DGAT2L6: variants seen among roughly 807,000 people sequenced by gnomAD.
DGAT2L6 encodes the protein diacylglycerol O-acyltransferase 2-like protein 6.
Under a neutral mutation model 25.5 loss-of-function variants are expected in DGAT2L6, and 22 were observed. The observed-to-expected ratio is 0.86, with a 90% CI of 0.62 to 1.23. DGAT2L6 has a LOEUF of 1.23. DGAT2L6 is among the 50% of genes most tolerant of loss of function. DGAT2L6 has a pLI of 0.00. For missense variants in DGAT2L6, 287 were observed against 253.2 expected, an observed-to-expected ratio of 1.13 and a Z score of -0.91; for synonymous variants, 100 against 94.7, an observed-to-expected ratio of 1.06 and a Z score of -0.32.
chrX:70,189,494 A>G (rs966278848), intron 1 of DGAT2L6, among the ~76,000 whole-genome samples: 15 of 112,370 alleles, frequency 1.3e-4, no homozygotes, highest in Non-Finnish European at 2.4e-4. Context: ...ATAATTAGAG[A>G]CATACCATGT....
intron 1 of DGAT2L6, among the ~76,000 whole-genome samples, chrX:70,190,247 T>G (rs2085371673): frequency 8.9e-6 from 1 of 112,072 alleles, no homozygotes; most frequent in Non-Finnish European, 1.9e-5. Flanking sequence ...GCAAAATGAA[T>G]CTTGACCCAA....
chrX:70,205,150 G>GT lies in DGAT2L6; in HGVS notation c.*44_*45insT, dbSNP rs776420980. 1 of 1,116,723 alleles carries GT rather than the reference G, an allele frequency of 9.0e-7. No individual in the cohort carries two copies. Among genetic ancestry groups the GT allele is most frequent in the Admixed American group, 2.9e-5 (1 of 34,720 alleles). The allele number at this position is 1,116,723 out of a possible 1,213,427, so 92.0% of individuals were successfully genotyped here. A position where few individuals can be genotyped will look rare whatever the true frequency, so the allele number is the denominator to read the frequency against. On this transcript the variant is annotated 3_prime_UTR_variant, in exon 7 of 7. Transcript: ENST00000333026. ...TTGATCAACCCCCAAAGCCATGAGG[G>GT]ATCCAAGTAGAGCCACAGAAAAAGA... is the stretch of plus-strand genomic sequence containing the variant.
intron 5 of DGAT2L6, among the ~76,000 whole-genome samples, chrX:70,203,097 T>C (rs750031996): frequency 1.8e-5 from 2 of 112,304 alleles, no homozygotes; most frequent in South Asian, 7.3e-4. Flanking sequence ...TTCAAGTCTT[T>C]GCTCAAATGT....
At chrX:70,201,159 G>A (rs774377945) in intron 4 of DGAT2L6, among the ~76,000 whole-genome samples, 27 of 111,787 alleles carry the variant, frequency 2.4e-4, no homozygotes, top group Non-Finnish European at 4.1e-4. Context: ...GAGGGGCCAG[G>A]TGGGACCACT....
intron 1 of DGAT2L6, among the ~76,000 whole-genome samples, chrX:70,194,559 A>C (rs778397094): frequency 8.9e-6 from 1 of 112,019 alleles, no homozygotes; most frequent in East Asian, 2.8e-4. Flanking sequence ...AAACCAATGA[A>C]ATAAGATAGA....
intron 1 of DGAT2L6, among the ~76,000 whole-genome samples, chrX:70,193,037 G>T (rs2085379968): frequency 9.0e-6 from 1 of 111,225 alleles, no homozygotes. Flanking sequence ...AAATTTAATC[G>T]ATAATCAAAA....
intron 1 of DGAT2L6, among the ~76,000 whole-genome samples, chrX:70,182,099 C>T (rs1602687128): frequency 9.0e-6 from 1 of 111,203 alleles, no homozygotes; most frequent in East Asian, 2.8e-4. Flanking sequence ...TGCTTCCCCT[C>T]CTTCCCAAAT....
intron 1 of DGAT2L6, among the ~76,000 whole-genome samples, chrX:70,195,305 A>G (rs986837155): frequency 1.1e-4 from 12 of 111,911 alleles, no homozygotes; most frequent in Non-Finnish European, 3.8e-5. Context: ...GTAAATTGTT[A>G]CAACCAGTAT....
At chrX:70,185,870 G>T (rs1276357711) in intron 1 of DGAT2L6, among the ~76,000 whole-genome samples, 16 of 90,871 alleles carry the variant, frequency 1.8e-4, no homozygotes, top group South Asian at 1.5e-3. Flanking sequence ...TTTTTGTTTT[G>T]TTTTTTTGTT....
chrX:70,179,123 T>C (rs1221614819), intron 1 of DGAT2L6, among the ~76,000 whole-genome samples: 1 of 112,191 alleles, frequency 8.9e-6, no homozygotes, highest in Non-Finnish European at 1.9e-5. Context: ...AAAGGGTCCA[T>C]GGCTTCACCA....
chrX:70,201,250 G>A (rs2085409335), intron 4 of DGAT2L6, among the ~76,000 whole-genome samples: 1 of 112,487 alleles, frequency 8.9e-6, no homozygotes, highest in Non-Finnish European at 1.9e-5. Context: ...GCTAGAGTCT[G>A]GAGGCAATTT....
At chrX:70,181,664 T>C (rs937197622) in intron 1 of DGAT2L6, among the ~76,000 whole-genome samples, 1 of 112,192 alleles carries the variant, frequency 8.9e-6, no homozygotes, top group African/African-American at 3.2e-5. Flanking sequence ...CATTCAATCA[T>C]TGTCCGCATT....
At chrX:70,200,513 C>A in intron 4 of DGAT2L6, 54 bp downstream of exon 4, 1 of 1,060,113 alleles carries the variant, frequency 9.4e-7, no homozygotes, top group South Asian at 2.1e-5. Context: ...AAGGTGCAAC[C>A]CCAATAAGTC....
At chrX:70,199,480 G>A in intron 2 of DGAT2L6, 99 bp downstream of exon 2, 1 of 549,101 alleles carries the variant, frequency 1.8e-6, no homozygotes, top group Non-Finnish European at 3.0e-6. Context: ...GGGTAGGGGA[G>A]AGGGGAAGGA....
intron 4 of DGAT2L6, among the ~76,000 whole-genome samples, chrX:70,200,824 A>C (rs1282713414): frequency 8.9e-6 from 1 of 111,974 alleles, no homozygotes; most frequent in Non-Finnish European, 1.9e-5. Context: ...GGCGAACTTC[A>C]CCAGGCTCTC....
intron 1 of DGAT2L6, 24 bp downstream of exon 1, chrX:70,177,691 G>C (rs749873758): frequency 4.0e-5 from 47 of 1,161,871 alleles, no homozygotes; most frequent in Non-Finnish European, 4.9e-5. Context: ...AAGGGCTGGA[G>C]AGCACATGGG....
At chrX:70,182,952 G>A (rs1293189726) in intron 1 of DGAT2L6, among the ~76,000 whole-genome samples, 2 of 109,509 alleles carry the variant, frequency 1.8e-5, no homozygotes, top group South Asian at 4.0e-4. Context: ...CACCGCGCCC[G>A]ACCATTTCTT....
intron 1 of DGAT2L6, among the ~76,000 whole-genome samples, chrX:70,188,182 C>G (rs920990227): frequency 1.8e-5 from 2 of 111,517 alleles, no homozygotes; most frequent in Middle Eastern, 9.3e-3. Flanking sequence ...TTAACTTAAG[C>G]TAGTAATCAT....
intron 1 of DGAT2L6, among the ~76,000 whole-genome samples, chrX:70,185,552 A>G (rs1260001894): frequency 1.8e-5 from 2 of 112,305 alleles, no homozygotes; most frequent in Non-Finnish European, 3.8e-5. Flanking sequence ...ATTAAATGAG[A>G]TAATATACAT....
Sources: allele counts gnomAD v4.1 joint callset (sites outside exome capture counted in the v4.1 genomes callset), GRCh38; gene constraint gnomAD v4.1.1; transcripts MANE v1.5; gene names NCBI Gene and HGNC (gene_info 2026-07-23, HGNC 2026-07-21).